WSCD2: variants seen among roughly 807,000 people sequenced by gnomAD.
WSCD2 encodes sialate:O-sulfotransferase 2.
A neutral mutation model predicts 55.7 loss-of-function variants in WSCD2; 28 were observed. That is an observed-to-expected ratio of 0.50 (90% CI 0.37 to 0.69). The LOEUF is 0.69. Ranked by LOEUF, WSCD2 falls within the 30% of genes least tolerant of loss-of-function variation. The pLI is 0.00. For missense variants in WSCD2, 616 were observed against 762.1 expected, an observed-to-expected ratio of 0.81 and a Z score of 2.26; for synonymous variants, 301 against 301.9, an observed-to-expected ratio of 1.00 and a Z score of 0.03.
intron 1 of WSCD2, among the ~76,000 whole-genome samples, chr12:108,183,272 C>A (rs571170909): frequency 6.6e-6 from 1 of 152,274 alleles, no homozygotes; most frequent in African/African-American, 2.4e-5. Context: ...CAAGACTAAC[C>A]ATGTATCTCA....
intron 1 of WSCD2, among the ~76,000 whole-genome samples, chr12:108,158,165 T>G (rs1278822324): frequency 2.0e-5 from 3 of 152,086 alleles, no homozygotes; most frequent in Non-Finnish European, 4.4e-5. Context: ...GGTCAATAAT[T>G]TATGCTAATG....
chr12:108,225,716 C>T (rs556456548), intron 5 of WSCD2, among the ~76,000 whole-genome samples: 15 of 152,198 alleles, frequency 9.9e-5, no homozygotes, highest in African/African-American at 2.9e-4. Context: ...TGTGAACTCC[C>T]GGAGGGTAGG....
At chr12:108,191,567 T>C (rs1478792507) in intron 1 of WSCD2, among the ~76,000 whole-genome samples, 1 of 152,232 alleles carries the variant, frequency 6.6e-6, no homozygotes, top group Non-Finnish European at 1.5e-5. Context: ...TCCAAGGCTG[T>C]CACCTGAGTG....
intron 5 of WSCD2, 116 bp downstream of exon 5, chr12:108,224,976 G>T: frequency 1.4e-6 from 2 of 1,426,368 alleles, no homozygotes; most frequent in Non-Finnish European, 1.9e-6. Context: ...TGTAGTCGTT[G>T]ACTGGGATCT....
At chr12:108,207,694 T>A (rs559336506) in intron 3 of WSCD2, among the ~76,000 whole-genome samples, 52 of 152,004 alleles carry the variant, frequency 3.4e-4, no homozygotes, top group Non-Finnish European at 7.1e-4. Flanking sequence ...GCCCCTGCTG[T>A]TCTTGATTAG....
chr12:108,240,680 G>A (rs900948822), intron 8 of WSCD2, 136 bp downstream of exon 8: 9 of 1,032,136 alleles, frequency 8.7e-6, no homozygotes, highest in Non-Finnish European at 1.2e-5. Context: ...GGACATCCTG[G>A]AGGGCGCGTG....
chr12:108,213,585 A>T (rs539936194), intron 4 of WSCD2, among the ~76,000 whole-genome samples: 2 of 152,320 alleles, frequency 1.3e-5, no homozygotes, highest in East Asian at 1.9e-4. Flanking sequence ...GGGACATTTG[A>T]CAAGAGCCTT....
intron 1 of WSCD2, among the ~76,000 whole-genome samples, chr12:108,175,871 G>T (rs927138878): frequency 6.6e-6 from 1 of 151,800 alleles, no homozygotes; most frequent in Non-Finnish European, 1.5e-5. Flanking sequence ...ACAGAGTCTC[G>T]CTCTGTCGCC....
In WSCD2 at chr12:108,135,361, G is replaced by A. The variant is rs545980710; in HGVS notation, c.-552+5435G>A. Among the ~76,000 whole-genome samples the A allele has an allele frequency of 2.6e-5, 4 of 152,342 alleles. No individual in the cohort carries two copies. In the East Asian group the frequency reaches 7.7e-4, roughly 29 times the overall value. On this transcript the variant is annotated intron_variant, in intron 1 of 8. Coordinates refer to ENST00000547525, the MANE Select transcript of WSCD2 (RefSeq NM_014653.4). Reference sequence around the variant, plus strand: ...AACCTGGGTTATGGAGGCAGATGAAGCTGGGTTCCAGTCCAGACTTTACCC... The same window carrying A: ...AACCTGGGTTATGGAGGCAGATGAAACTGGGTTCCAGTCCAGACTTTACCC...
chr12:108,136,970 G>T (rs573022965), intron 1 of WSCD2, among the ~76,000 whole-genome samples: 2 of 152,282 alleles, frequency 1.3e-5, no homozygotes, highest in African/African-American at 4.8e-5. Context: ...CCCCTGCTAG[G>T]ACAGTTAAAG....
chr12:108,155,959 A>G (rs1185550530), intron 1 of WSCD2, among the ~76,000 whole-genome samples: 1 of 152,160 alleles, frequency 6.6e-6, no homozygotes. Context: ...TCAAATATAC[A>G]TCGACACCAC....
At chr12:108,189,296 T>G (rs1190605931) in intron 1 of WSCD2, 1 of 152,182 alleles carries the variant, frequency 6.6e-6, no homozygotes, top group Non-Finnish European at 1.5e-5. Flanking sequence ...TTGAGTCATC[T>G]GTTACAGAGG....
rs764162536 is a variant in WSCD2 at position 108,227,008 on chromosome 12, C to T, written c.823C>T (p.Leu275Phe). 6.2e-7 allele frequency: 1 copy of T among 1,613,952 alleles called. No individual in the cohort carries two copies. Among genetic ancestry groups the T allele is most frequent in the South Asian group, 1.1e-5 (1 of 91,060 alleles). The change falls in exon 6 of 9, where the codon CTT becomes TTT. Residue 275 changes from leucine to phenylalanine, a missense_variant. Leu to Phe is a conservative substitution (Grantham distance 22, BLOSUM62 0). This residue lies in a region of WSCD2 where 374 missense variants were observed against 467.4 expected (regional missense o/e 0.80). Coordinates refer to ENST00000547525, the MANE Select transcript of WSCD2 (RefSeq NM_014653.4). ...CTEKEYPLAA[L>F]AGTACHCGFP... ...TCCCCAGGAGTACCCGCTGGCAGCT[C>T]TTGCAGGCACCGCCTGCCACTGTGG...
At chr12:108,219,468 G>C (rs1887227513) in intron 4 of WSCD2, among the ~76,000 whole-genome samples, 1 of 152,188 alleles carries the variant, frequency 6.6e-6, no homozygotes, top group Non-Finnish European at 1.5e-5. Flanking sequence ...TGCACACTGT[G>C]TGCACAGCAA....
At chr12:108,135,224 G>A (rs1264875240) in intron 1 of WSCD2, among the ~76,000 whole-genome samples, 5 of 152,194 alleles carry the variant, frequency 3.3e-5, no homozygotes, top group Non-Finnish European at 4.4e-5. Context: ...GATATTCAGT[G>A]TTTGCTCAGA....
intron 1 of WSCD2, among the ~76,000 whole-genome samples, chr12:108,187,187 G>A (rs999536712): frequency 6.6e-6 from 1 of 152,174 alleles, no homozygotes; most frequent in African/African-American, 2.4e-5. Flanking sequence ...CAGTGGGAAG[G>A]GTAATATGCT....
chr12:108,174,810 T>A (rs144702742), intron 1 of WSCD2, among the ~76,000 whole-genome samples: 1 of 152,284 alleles, frequency 6.6e-6, no homozygotes, highest in African/African-American at 2.4e-5. Flanking sequence ...TTTGCAGAGA[T>A]GGGGTCTTGC....
At chr12:108,202,715 G>T (rs903403111) in intron 2 of WSCD2, among the ~76,000 whole-genome samples, 1 of 152,176 alleles carries the variant, frequency 6.6e-6, no homozygotes, top group Non-Finnish European at 1.5e-5. Context: ...GGTGCAGGGT[G>T]GTAGGAGGGA....
At chr12:108,221,650 A>G (rs1411312007) in intron 4 of WSCD2, among the ~76,000 whole-genome samples, 1 of 152,186 alleles carries the variant, frequency 6.6e-6, no homozygotes, top group Non-Finnish European at 1.5e-5. Flanking sequence ...TTAGGAGGTG[A>G]AGGGCTGTCC....
Sources: allele counts gnomAD v4.1 joint callset (sites outside exome capture counted in the v4.1 genomes callset), GRCh38; gene constraint gnomAD v4.1.1; regional missense constraint gnomAD v4.1.1; transcripts MANE v1.5; gene names NCBI Gene and HGNC (gene_info 2026-07-23, HGNC 2026-07-21).